Variants in SCLT1 observed in about 807,000 individuals in gnomAD.
The protein encoded by SCLT1 is sodium channel and clathrin linker 1.
Under a neutral mutation model 112.8 loss-of-function variants are expected in SCLT1, and 78 were observed. The observed-to-expected ratio is 0.69, with a 90% CI of 0.58 to 0.83. The LOEUF (loss-of-function observed/expected upper bound fraction) is 0.83, where lower values mean the gene tolerates loss of function less well. Ranked by LOEUF, SCLT1 falls within the 40% of genes least tolerant of loss-of-function variation. The pLI, the probability that SCLT1 is intolerant of heterozygous loss-of-function variation, is 0.00. For synonymous variants in SCLT1, 257 were observed against 254.7 expected (o/e 1.01, Z -0.09); for missense variants, 747 against 770.4 (o/e 0.97, Z 0.36).
At chr4:128,962,013 G>T (rs1275107689) in intron 11 of SCLT1, among the ~76,000 whole-genome samples, 10 of 152,168 alleles carry the variant, frequency 6.6e-5, no homozygotes, top group Non-Finnish European at 1.5e-4. Context: ...AGGGGTTCCA[G>T]CCTGCCTAAG....
chr4:128,874,497 A>T (rs139141318), intron 4 of SCLT1: 140 of 113,132 alleles, frequency 1.2e-3, no homozygotes, highest in African/African-American at 8.0e-3. Flanking sequence ...CAAAAACAAA[A>T]CAAAAAATAT....
At chr4:128,955,012 T>A (rs951184173) in intron 13 of SCLT1, among the ~76,000 whole-genome samples, 1 of 152,186 alleles carries the variant, frequency 6.6e-6, no homozygotes, top group Non-Finnish European at 1.5e-5. Flanking sequence ...TGAAATACAT[T>A]TATAGTAATC....
intron 10 of SCLT1, among the ~76,000 whole-genome samples, chr4:128,967,283 C>A (rs1740289098): frequency 1.3e-5 from 2 of 152,138 alleles, no homozygotes; most frequent in Non-Finnish European, 2.9e-5. Flanking sequence ...CTGATCCTAT[C>A]TCCTTGTTAT....
chr4:129,002,027 T>C (rs915743270), intron 6 of SCLT1, among the ~76,000 whole-genome samples: 1 of 152,020 alleles, frequency 6.6e-6, no homozygotes, highest in Non-Finnish European at 1.5e-5. Flanking sequence ...TAGTGTTAAA[T>C]ACATGTTCCT....
chr4:128,946,586 T>A (rs1379919227), intron 15 of SCLT1, among the ~76,000 whole-genome samples: 2 of 152,100 alleles, frequency 1.3e-5, no homozygotes, highest in Non-Finnish European at 2.9e-5. Flanking sequence ...AAAATAGAAT[T>A]TATTTTTTTG....
intron 2 of SCLT1, among the ~76,000 whole-genome samples, chr4:129,059,085 T>C (rs1427853295): frequency 6.6e-6 from 1 of 152,184 alleles, no homozygotes. Context: ...TTATCTCATA[T>C]AAGAATAGCC....
intron 9 of SCLT1, among the ~76,000 whole-genome samples, chr4:128,977,107 G>T (rs1428244073): frequency 3.9e-5 from 6 of 152,182 alleles, no homozygotes; most frequent in Non-Finnish European, 7.3e-5. Context: ...GGGAGGAAAA[G>T]TCTAAACCAG....
intron 11 of SCLT1, among the ~76,000 whole-genome samples, chr4:128,961,403 G>T (rs781736713): frequency 6.6e-6 from 1 of 151,970 alleles, no homozygotes; most frequent in Non-Finnish European, 1.5e-5. Context: ...TACTAGTAGA[G>T]TATGTTGCAT....
chr4:128,882,579 T>C (rs1351028390), downstream of SCLT1, among the ~76,000 whole-genome samples: 1 of 152,180 alleles, frequency 6.6e-6, no homozygotes, highest in African/African-American at 2.4e-5. Flanking sequence ...AGTTATTGAA[T>C]ACCCTCCAAG....
intron 4 of SCLT1, among the ~76,000 whole-genome samples, chr4:128,875,544 T>C (rs1188666172): frequency 1.3e-5 from 2 of 152,246 alleles, no homozygotes; most frequent in African/African-American, 4.8e-5. Flanking sequence ...GGCTAAACTA[T>C]AGTTTACCAG....
intron 6 of SCLT1, among the ~76,000 whole-genome samples, chr4:129,000,577 T>C (rs1446215541): frequency 6.6e-6 from 1 of 152,024 alleles, no homozygotes; most frequent in African/African-American, 2.4e-5. Context: ...AGTGAAGTTT[T>C]CTAAAGTTTA....
At chr4:128,946,838 G>C (rs1738209046) in intron 15 of SCLT1, among the ~76,000 whole-genome samples, 1 of 152,174 alleles carries the variant, frequency 6.6e-6, no homozygotes. Context: ...CTAGGATGGG[G>C]CTTCCCCCTT....
At chr4:129,055,818 TAAA>T (rs56689003) in intron 2 of SCLT1, among the ~76,000 whole-genome samples, 64 of 132,500 alleles carry the variant, frequency 4.8e-4, no homozygotes, top group Admixed American at 1.3e-3. Context: ...GCCACTGGCA[TAAA>T]AAAAAAAAAA....
chr4:128,999,534 T>C (rs1283742834), intron 7 of SCLT1, 138 bp downstream of exon 7: 2 of 491,612 alleles, frequency 4.1e-6, no homozygotes, highest in Admixed American at 3.7e-5. Context: ...AAGATCTATA[T>C]ATTATTAACA....
chr4:128,977,584 T>C (rs377513635), intron 9 of SCLT1, among the ~76,000 whole-genome samples: 5 of 152,142 alleles, frequency 3.3e-5, no homozygotes, highest in African/African-American at 1.2e-4. Context: ...GGCACATCTA[T>C]GGTAGAAATA....
At chr4:128,997,079 A>G (rs527706041) in intron 8 of SCLT1, 1 of 152,182 alleles carries the variant, frequency 6.6e-6, no homozygotes, top group South Asian at 2.1e-4. Context: ...AGTATAATAT[A>G]GTATCAAAAA....
At chr4:128,923,074 T>C (rs1332358782) in intron 18 of SCLT1, among the ~76,000 whole-genome samples, 1 of 152,128 alleles carries the variant, frequency 6.6e-6, no homozygotes, top group Non-Finnish European at 1.5e-5. Flanking sequence ...TTGTGGGAAA[T>C]AAGGTGCAGC....
At chr4:128,965,474 C>A (rs1039799788) in intron 10 of SCLT1, among the ~76,000 whole-genome samples, 156 bp from the exon 11 acceptor site, 7 of 152,112 alleles carry the variant, frequency 4.6e-5, no homozygotes, top group African/African-American at 1.7e-4. Context: ...GGAAACAAAT[C>A]ATGTGTATAA....
chr4:128,922,235 TAGG>T (rs1735940254), intron 18 of SCLT1, among the ~76,000 whole-genome samples: 1 of 152,148 alleles, frequency 6.6e-6, no homozygotes, highest in South Asian at 2.1e-4. Flanking sequence ...GGAAAGCAGT[TAGG>T]AGATTTCTCA....
Sources: allele counts gnomAD v4.1 joint callset (sites outside exome capture counted in the v4.1 genomes callset), GRCh38; gene constraint gnomAD v4.1.1; transcripts MANE v1.5; gene names NCBI Gene and HGNC (gene_info 2026-07-23, HGNC 2026-07-21).